Variants in PARVA observed in about 807,000 individuals in gnomAD.
PARVA encodes the protein parvin alpha.
Under a neutral mutation model 52.6 loss-of-function variants are expected in PARVA, and 25 were observed. The ratio of observed to expected loss-of-function variants is 0.48; its 90% CI spans 0.35 to 0.66. The LOEUF (loss-of-function observed/expected upper bound fraction) is 0.66. PARVA is among the 30% of genes least tolerant of loss of function. The probability of loss-of-function intolerance (pLI) is 0.01; values close to 1 mark genes in which losing one functional copy is unlikely to be tolerated. For synonymous variants in PARVA, 185 were observed against 179.1 expected, an observed-to-expected ratio of 1.03 and a Z score of -0.26; for missense variants, 373 against 450.9, an observed-to-expected ratio of 0.83 and a Z score of 1.56.
chr11:12,393,702 C>T (rs1939695860), intron 1 of PARVA, among the ~76,000 whole-genome samples: 1 of 152,162 alleles, frequency 6.6e-6, no homozygotes, highest in African/African-American at 2.4e-5. Flanking sequence ...TATGTGGCCA[C>T]ACCTAAGTGC....
At chr11:12,433,669 T>A (rs1158147484) in intron 1 of PARVA, among the ~76,000 whole-genome samples, 2 of 152,158 alleles carry the variant, frequency 1.3e-5, no homozygotes, top group African/African-American at 2.4e-5. Context: ...GCAGAGACCT[T>A]AGAGGTTGTT....
chr11:12,391,026 C>G (rs568506941), intron 1 of PARVA, among the ~76,000 whole-genome samples: 1 of 152,164 alleles, frequency 6.6e-6, no homozygotes, highest in Admixed American at 6.5e-5. Flanking sequence ...TGCCCAAGTT[C>G]CCAGAGAACA....
intron 3 of PARVA, among the ~76,000 whole-genome samples, chr11:12,474,632 A>T (rs1238109574): frequency 2.0e-5 from 3 of 152,144 alleles, no homozygotes; most frequent in Non-Finnish European, 2.9e-5. Context: ...CAGGAGTTCG[A>T]GACCAGCCTG....
chr11:12,449,665 C>G (rs184360745), intron 1 of PARVA, among the ~76,000 whole-genome samples: 2 of 152,308 alleles, frequency 1.3e-5, no homozygotes, highest in Non-Finnish European at 2.9e-5. Flanking sequence ...TTTGCTCCCA[C>G]CAGCCTCTCC....
chr11:12,384,629 G>A (rs972623196), intron 1 of PARVA, among the ~76,000 whole-genome samples: 2 of 152,170 alleles, frequency 1.3e-5, no homozygotes, highest in Non-Finnish European at 2.9e-5. Context: ...GTAGATTTGA[G>A]TCCCAATCTG....
chr11:12,404,271 C>T (rs906575771), intron 1 of PARVA, among the ~76,000 whole-genome samples: 3 of 152,064 alleles, frequency 2.0e-5, no homozygotes, highest in Non-Finnish European at 2.9e-5. Flanking sequence ...GCAGGATATT[C>T]CAGGGTACCA....
In PARVA at chr11:12,534,835, A is replaced by G. The variant is rs1447452443; in HGVS notation, c.*6910A>G. ...AACACAGTGCCTGCCCTTGGCAAAT[A>G]TATGTTGGTGTATCTGAAAAACAGC... On this transcript the variant is annotated 3_prime_UTR_variant, in exon 13 of 13. Coordinates refer to ENST00000334956, the MANE Select transcript of PARVA (RefSeq NM_018222.5). Among the ~76,000 whole-genome samples, 1 of 152,182 alleles carries G rather than the reference A, an allele frequency of 6.6e-6. No homozygotes were observed. Among genetic ancestry groups the G allele is most frequent in the Non-Finnish European group, 1.5e-5 (1 of 68,034 alleles).
Position 12,509,297 on chromosome 11 carries a change from A to G in PARVA, c.716+655A>G, listed in dbSNP as rs141748311. Among the ~76,000 whole-genome samples the G allele has an allele frequency of 2.9e-3, 435 of 152,216 alleles. 1 individual carries two copies. The highest frequency in any genetic ancestry group is 0.01 in the African/African-American group (416 of 41,530). ...ACTTTTCTCTGAGTCCCCCTTGAACAAGAGCAGCATAGTGCAAAGAGCAGA... is the reference window on the plus strand; with the variant it reads ...ACTTTTCTCTGAGTCCCCCTTGAACGAGAGCAGCATAGTGCAAAGAGCAGA... On this transcript the variant is annotated intron_variant, in intron 7 of 12. Transcript: ENST00000334956.
chr11:12,501,697 C>T (rs2135064993), intron 5 of PARVA, among the ~76,000 whole-genome samples: 2 of 152,278 alleles, frequency 1.3e-5, no homozygotes, highest in Middle Eastern at 3.4e-3. Flanking sequence ...TAGTATATTA[C>T]ACAGTAACAT....
chr11:12,490,907 A>G (rs1467285939), intron 4 of PARVA, among the ~76,000 whole-genome samples: 1 of 152,182 alleles, frequency 6.6e-6, no homozygotes, highest in Non-Finnish European at 1.5e-5. Context: ...TATGAATGAT[A>G]AATTTTCTAT....
At chr11:12,489,707 C>T (rs772310241) in intron 4 of PARVA, among the ~76,000 whole-genome samples, 2 of 152,064 alleles carry the variant, frequency 1.3e-5, no homozygotes, top group Non-Finnish European at 1.5e-5. Context: ...CCTAAGAACA[C>T]TGAAGACAAA....
At chr11:12,435,789 T>G (rs79781756) in intron 1 of PARVA, among the ~76,000 whole-genome samples, 4,597 of 152,120 alleles carry the variant, frequency 0.03, 87 homozygotes, top group Non-Finnish European at 0.044. Context: ...TCTCTGTTTT[T>G]TTGTTGTTGT....
At chr11:12,461,128 G>A (rs1940773342) in intron 1 of PARVA, among the ~76,000 whole-genome samples, 1 of 152,136 alleles carries the variant, frequency 6.6e-6, no homozygotes, top group Non-Finnish European at 1.5e-5. Flanking sequence ...TGCCCTTTAG[G>A]AACCAACTAG....
chr11:12,480,161 T>G (rs1372258590), intron 4 of PARVA: 2 of 149,618 alleles, frequency 1.3e-5, no homozygotes, highest in Non-Finnish European at 3.0e-5. Flanking sequence ...GAGGCAGAGG[T>G]TGCAGAGAGC....
chr11:12,430,656 G>C (rs1001931592), intron 1 of PARVA, among the ~76,000 whole-genome samples: 40 of 152,162 alleles, frequency 2.6e-4, no homozygotes, highest in African/African-American at 7.7e-4. Flanking sequence ...CATTTACTAA[G>C]ACCTTTCCAT....
At chr11:12,495,099 A>G (rs1043183955) in intron 4 of PARVA, among the ~76,000 whole-genome samples, 26 of 152,256 alleles carry the variant, frequency 1.7e-4, no homozygotes, top group Non-Finnish European at 7.3e-5. Flanking sequence ...AAAAATGGAT[A>G]AGGCACACAC....
intron 1 of PARVA, among the ~76,000 whole-genome samples, chr11:12,430,018 T>G (rs1240577004): frequency 6.6e-6 from 1 of 152,224 alleles, no homozygotes; most frequent in Admixed American, 6.5e-5. Flanking sequence ...ACAGACTCCC[T>G]TTAAGTTTAA....
At chr11:12,426,464 T>C (rs1281705327) in intron 1 of PARVA, among the ~76,000 whole-genome samples, 3 of 151,886 alleles carry the variant, frequency 2.0e-5, no homozygotes, top group Non-Finnish European at 2.9e-5. Flanking sequence ...GGCAGAGTAT[T>C]TGGGTTGAAG....
At chr11:12,478,011 T>G (rs770136953) in intron 4 of PARVA, 62 bp downstream of exon 4, 5 of 886,998 alleles carry the variant, frequency 5.6e-6, no homozygotes. Context: ...ATCACCTACT[T>G]GTAGCTAGAA....
Sources: allele counts gnomAD v4.1 joint callset (sites outside exome capture counted in the v4.1 genomes callset), GRCh38; gene constraint gnomAD v4.1.1; transcripts MANE v1.5; gene names NCBI Gene and HGNC (gene_info 2026-07-23, HGNC 2026-07-21).